Variants in NAALADL1 observed in about 807,000 individuals in gnomAD.
The protein encoded by NAALADL1 is N-acetylated alpha-linked acidic dipeptidase like 1.
In NAALADL1, 77 loss-of-function variants were observed where a neutral mutation model predicts 82.8. The ratio of observed to expected loss-of-function variants is 0.93; its 90% CI spans 0.77 to 1.12. The LOEUF is 1.12. Among genes scored for constraint, NAALADL1 ranks in the 50% most tolerant of loss-of-function variants. NAALADL1 has a pLI of 0.00. For missense variants in NAALADL1, 956 were observed against 964.0 expected (o/e 0.99, Z 0.11); for synonymous variants, 358 against 399.2 (o/e 0.90, Z 1.23).
At chr11:65,057,640 C>T (rs1947078063) in intron 3 of NAALADL1, 147 bp from the exon 4 acceptor site, 3 of 1,284,672 alleles carry the variant, frequency 2.3e-6, no homozygotes, top group Non-Finnish European at 3.2e-6. Context: ...AGAACAGTCA[C>T]CCCTCATTTC....
intron 8 of NAALADL1, among the ~76,000 whole-genome samples, chr11:65,052,957 C>T (rs980141174): frequency 3.9e-5 from 6 of 152,264 alleles, no homozygotes; most frequent in South Asian, 4.1e-4. Context: ...AGAGCCTGGG[C>T]GCTGCCTGCT....
Position 65,054,828 on chromosome 11 carries a change from A to G in NAALADL1, c.604-90T>C. On this transcript the variant is annotated intron_variant, in intron 4 of 17. Coordinates refer to ENST00000358658, the MANE Select transcript of NAALADL1 (RefSeq NM_005468.3). The surrounding 1 kb of genome is among the most constrained non-coding windows in gnomAD (Gnocchi z 4.3). The stretch of plus-strand genomic sequence containing the variant: ...TCCTCCTTCCTCGACTGTGGAAGCC[A>G]GGATAGACCAATCTTCCATGGGCAA... 1.4e-6 allele frequency: 2 copies of G among 1,461,104 alleles called. No individual in the cohort carries two copies. Among genetic ancestry groups the G allele is most frequent in the Non-Finnish European group, 1.8e-6 (2 of 1,091,982 alleles). 90.5% of individuals were successfully genotyped at this position (1,461,104 alleles called of 1,614,324 possible).
At position 65,045,591 on chromosome 11, in the gene NAALADL1, C is replaced by CA. The variant is rs954106415; in HGVS notation, c.2037-135dup. The stretch of plus-strand genomic sequence containing the variant: ...CCCCCGTCCACTTGTCTCTGAAGGC[C>CA]AGGGAGCTCTTACAGCAGTGGCGGT... On this transcript the variant is annotated intron_variant, in intron 17 of 17. Coordinates refer to ENST00000358658, the MANE Select transcript of NAALADL1 (RefSeq NM_005468.3). The CA allele has an allele frequency of 2.9e-6, 3 of 1,051,984 alleles. No homozygotes were observed. In the African/African-American group the frequency reaches 4.8e-5, roughly 17 times the overall value. 65.2% of individuals were successfully genotyped at this position (1,051,984 alleles called of 1,614,324 possible). A position where few individuals can be genotyped will look rare whatever the true frequency, so the allele number is the denominator to read the frequency against.
chr11:65,047,435 A>G, intron 13 of NAALADL1, 40 bp downstream of exon 13: 1 of 1,520,712 alleles, frequency 6.6e-7, no homozygotes, highest in South Asian at 1.2e-5. Flanking sequence ...GGGCGCATGC[A>G]GCAAGGTACC....
Position 65,057,950 on chromosome 11 carries a change from C to T in NAALADL1, c.405G>A (p.Glu135=). 1 of 1,614,168 alleles carries T rather than the reference C, an allele frequency of 6.2e-7. No homozygotes were observed. ...GCCCCCCTTGCTCCCCGGTCACGTT[C>T]TCCTCAGTCCGGTGGCAGGAGTGGA... The part of the protein sequence containing the change: ...GIIHSCHRTE[E]NVTGEQGGPD... Residue 135 remains glutamate (E), a synonymous_variant, in exon 3 of 18, where the codon GAG becomes GAA. Coordinates refer to ENST00000358658, the MANE Select transcript of NAALADL1 (RefSeq NM_005468.3).
rs1283126964 is a variant in NAALADL1, at chr11:65,048,064, A to C, written c.1349-16T>G. On this transcript the variant is annotated splice_polypyrimidine_tract_variant and intron_variant, in intron 10 of 17. Coordinates refer to ENST00000358658, the MANE Select transcript of NAALADL1 (RefSeq NM_005468.3). Reference sequence around the variant, plus strand: ...GTAGCGTTGGCTGTGGGAGGAGGGGAGAAAGACTATTTGGGCCCCAGCCCC... The same window carrying C: ...GTAGCGTTGGCTGTGGGAGGAGGGGCGAAAGACTATTTGGGCCCCAGCCCC... 1 of 1,613,104 alleles carries C rather than the reference A, an allele frequency of 6.2e-7. No homozygotes were observed. The highest frequency in any genetic ancestry group is 1.3e-5 in the African/African-American group (1 of 74,680).
In NAALADL1 at chr11:65,054,344, C is replaced by T. The variant is rs902481860; in HGVS notation, c.898G>A (p.Gly300Arg). The change falls in exon 6 of 18, where the codon GGA becomes AGA. Residue 300 changes from glycine (G) to arginine (R), a missense_variant. Transcript: ENST00000358658. The surrounding 1 kb of genome is among the most constrained non-coding windows in gnomAD (Gnocchi z 4.3). Reference sequence around the variant, plus strand: ...TGCCAGGTGGCTGGGGCCAAAGTTCCGTTGAGGTTACTGGGGAGGAGGAAG... The same window carrying T: ...TGCCAGGTGGCTGGGGCCAAAGTTCTGTTGAGGTTACTGGGGAGGAGGAAG... Reference protein sequence around the residue: ...DARDLLCNLNGTLAPATWQGA... With the variant: ...DARDLLCNLNRTLAPATWQGA... 10 of 1,613,874 alleles carry T rather than the reference C, an allele frequency of 6.2e-6. No individual in the cohort carries two copies. The highest frequency in any genetic ancestry group is 5.0e-5 in the Admixed American group (3 of 59,980).
Position 65,053,469 on chromosome 11 carries a change from A to G in NAALADL1, c.1078+22T>C, listed in dbSNP as rs771061699. On this transcript the variant is annotated intron_variant, in intron 7 of 17. Transcript: ENST00000358658. The surrounding 1 kb of genome is among the most constrained non-coding windows in gnomAD (Gnocchi z 4.3). ...AGAGCAGAGCAGGGGCCTGGGGTGC[A>G]GGCAGCAAGAGGAGGGCTCACCAGG... 9.9e-6 allele frequency: 16 copies of G among 1,613,336 alleles called. No individual in the cohort carries two copies. Among genetic ancestry groups the G allele is most frequent in the Middle Eastern group, 3.3e-4 (2 of 6,084 alleles).
At chr11:65,046,590 G>A in intron 13 of NAALADL1, 64 bp from the exon 14 acceptor site, 2 of 1,506,934 alleles carry the variant, frequency 1.3e-6, no homozygotes, top group South Asian at 2.3e-5. Context: ...TGTACCTCCA[G>A]TGAGCTGCAA....
intron 4 of NAALADL1, among the ~76,000 whole-genome samples, chr11:65,056,908 A>G (rs1474031218): frequency 2.0e-5 from 3 of 149,730 alleles, no homozygotes; most frequent in South Asian, 4.2e-4. Flanking sequence ...GTAGAGATGG[A>G]GTTTCACCAT....
intron 4 of NAALADL1, 61 bp downstream of exon 4, chr11:65,057,310 C>G: frequency 2.0e-6 from 3 of 1,531,916 alleles, no homozygotes; most frequent in South Asian, 2.6e-5. Context: ...CTCACTTCCT[C>G]CAGTCCACTG....
At chr11:65,056,845 G>A (rs1389006015) in intron 4 of NAALADL1, among the ~76,000 whole-genome samples, 1 of 151,658 alleles carries the variant, frequency 6.6e-6, no homozygotes, top group African/African-American at 2.4e-5. Context: ...AGCCTCCCCA[G>A]TAGCTGGGAT....
Position 65,051,920 on chromosome 11 carries a change from C to T in NAALADL1, c.1198+1298G>A, listed in dbSNP as rs934340698. Among the ~76,000 whole-genome samples the T allele has an allele frequency of 7.9e-5, 12 of 152,158 alleles. 1 individual carries two copies. The highest frequency in any genetic ancestry group is 1.6e-4 in the Non-Finnish European group (11 of 68,004). ...TTTTACCATGAATTTTTAAAACTAACGAAAGAGGGCCTGGCGTGGAAACTC... is the reference window on the plus strand; with the variant it reads ...TTTTACCATGAATTTTTAAAACTAATGAAAGAGGGCCTGGCGTGGAAACTC... On this transcript the variant is annotated intron_variant, in intron 8 of 17. Coordinates refer to ENST00000358658, the MANE Select transcript of NAALADL1 (RefSeq NM_005468.3).
At position 65,054,638 on chromosome 11, in the gene NAALADL1, T is replaced by G; in HGVS notation, c.704A>C (p.Asn235Thr). Residue 235 changes from asparagine (N) to threonine (T), a missense_variant, in exon 5 of 18, where the codon AAC becomes ACC. Asn to Thr is a moderately conservative substitution (Grantham distance 65, BLOSUM62 0). Coordinates refer to ENST00000358658, the MANE Select transcript of NAALADL1 (RefSeq NM_005468.3). The surrounding 1 kb of genome is among the most constrained non-coding windows in gnomAD (Gnocchi z 4.3). ...TCCTGAGGGGGGCAGGTACCAGGAG[T>G]TGGGAAAGGTTTCGTCGGGTGAGCT... ...GLSSPDETFP[N>T]SWYLPPSGVE... 1 of 1,613,524 alleles carries G rather than the reference T, an allele frequency of 6.2e-7. No individual in the cohort carries two copies. Among genetic ancestry groups the G allele is most frequent in the Non-Finnish European group, 8.5e-7 (1 of 1,179,848 alleles).
upstream of NAALADL1, among the ~76,000 whole-genome samples, chr11:65,060,920 T>G (rs1279238275): frequency 1.3e-5 from 2 of 152,204 alleles, no homozygotes; most frequent in Admixed American, 1.3e-4. Context: ...GGACCAGCAA[T>G]GCACTGCTGC....
Position 65,053,397 on chromosome 11 carries a change from G to A in NAALADL1, c.1079-60C>T. 6.2e-7 allele frequency: 1 copy of A among 1,612,482 alleles called. No individual in the cohort carries two copies. Among genetic ancestry groups the A allele is most frequent in the Middle Eastern group, 1.7e-4 (1 of 6,046 alleles). ...GAGGGAGAGGTGGGCAGGGGGAGCTGGGCTGGGTGGTGGCAAGGGCAGGGC... is the reference window on the plus strand; with the variant it reads ...GAGGGAGAGGTGGGCAGGGGGAGCTAGGCTGGGTGGTGGCAAGGGCAGGGC... On this transcript the variant is annotated intron_variant, in intron 7 of 17. Transcript: ENST00000358658. The surrounding 1 kb of genome is among the most constrained non-coding windows in gnomAD (Gnocchi z 4.3).
At chr11:65,057,294 C>T in intron 4 of NAALADL1, 77 bp downstream of exon 4, 2 of 1,511,842 alleles carry the variant, frequency 1.3e-6, no homozygotes, top group Non-Finnish European at 1.8e-6. Flanking sequence ...TCTCCTTCCC[C>T]TTCCCCTCAC....
chr11:65,046,303 C>T lies in NAALADL1; in HGVS notation c.1741G>A (p.Asp581Asn), dbSNP rs376331950. ...TAGSVILRLS[D>N]SFFLPLKVSD... is the part of the protein sequence containing the mutation. ...ACTTTGAGGGGCAGGAAGAAGCTGT[C>T]ACTGAGCCGGAGAATCACACTCCCC... Residue 581 changes from aspartate to asparagine, a missense_variant, in exon 15 of 18, where the codon GAC becomes AAC. Coordinates refer to ENST00000358658, the MANE Select transcript of NAALADL1 (RefSeq NM_005468.3). 3 of 1,614,212 alleles carry T rather than the reference C, an allele frequency of 1.9e-6. No individual in the cohort carries two copies. The highest frequency in any genetic ancestry group is 2.5e-6 in the Non-Finnish European group (3 of 1,180,038).
intron 8 of NAALADL1, among the ~76,000 whole-genome samples, chr11:65,052,990 T>A (rs186960718): frequency 3.1e-4 from 47 of 152,318 alleles, no homozygotes; most frequent in Non-Finnish European, 5.9e-4. Flanking sequence ...CGGGCCTTGC[T>A]CCATCCAGGC....
Sources: allele counts gnomAD v4.1 joint callset (sites outside exome capture counted in the v4.1 genomes callset), GRCh38; gene constraint gnomAD v4.1.1; non-coding constraint Gnocchi (gnomAD v3.1); transcripts MANE v1.5; gene names NCBI Gene and HGNC (gene_info 2026-07-23, HGNC 2026-07-21).